The following COL25A1 variants were observed in gnomAD, a reference collection of about 807,000 sequenced individuals.
COL25A1 encodes collagen alpha-1(XXV) chain.
Under a neutral mutation model 128.4 loss-of-function variants are expected in COL25A1, and 103 were observed. The observed-to-expected ratio is 0.80, with a 90% CI of 0.68 to 0.94. The LOEUF (loss-of-function observed/expected upper bound fraction) is 0.94, where lower values mean the gene tolerates loss of function less well. Among genes scored for constraint, COL25A1 ranks in the 40% least tolerant of loss-of-function variants. The pLI is 0.00. For synonymous variants in COL25A1, 279 were observed against 277.2 expected, an observed-to-expected ratio of 1.01 and a Z score of -0.06; for missense variants, 745 against 840.0, an observed-to-expected ratio of 0.89 and a Z score of 1.40.
intron 8 of COL25A1, among the ~76,000 whole-genome samples, chr4:108,970,698 T>C (rs1751822368): frequency 1.3e-5 from 2 of 152,130 alleles, no homozygotes; most frequent in African/African-American, 4.8e-5. Context: ...TTGACCAACA[T>C]CTCCTAAAAC....
chr4:109,252,019 G>A (rs1401553611), intron 3 of COL25A1, among the ~76,000 whole-genome samples: 1 of 152,248 alleles, frequency 6.6e-6, no homozygotes, highest in Non-Finnish European at 1.5e-5. Context: ...AAATCCATGA[G>A]CATGGGAATT....
At chr4:108,987,225 C>T (rs1753734422) in intron 6 of COL25A1, among the ~76,000 whole-genome samples, 1 of 152,172 alleles carries the variant, frequency 6.6e-6, no homozygotes, top group African/African-American at 2.4e-5. Context: ...AGGAGCCTCT[C>T]CTCCAGCCTG....
At chr4:109,003,525 G>C (rs1357356533) in intron 6 of COL25A1, among the ~76,000 whole-genome samples, 1 of 152,200 alleles carries the variant, frequency 6.6e-6, no homozygotes, top group Non-Finnish European at 1.5e-5. Context: ...AAAAGGCCGG[G>C]CATGGTGGCT....
chr4:108,989,767 TTCTAAC>T (rs1486401418), intron 6 of COL25A1, among the ~76,000 whole-genome samples: 1 of 152,198 alleles, frequency 6.6e-6, no homozygotes, highest in Non-Finnish European at 1.5e-5. Flanking sequence ...GGAACTGTTT[TTCTAAC>T]TACTATCATA....
intron 3 of COL25A1, among the ~76,000 whole-genome samples, chr4:109,158,154 C>A (rs969384339): frequency 2.0e-5 from 3 of 152,080 alleles, no homozygotes; most frequent in Non-Finnish European, 4.4e-5. Flanking sequence ...TTTGCAGCAT[C>A]CAGCCTATGG....
chr4:109,128,281 G>A (rs1049026759), intron 3 of COL25A1, among the ~76,000 whole-genome samples: 1 of 152,122 alleles, frequency 6.6e-6, no homozygotes, highest in Non-Finnish European at 1.5e-5. Flanking sequence ...CTAAACTCTG[G>A]CCACCATTCC....
At chr4:109,017,800 A>G (rs1478314610) in intron 5 of COL25A1, among the ~76,000 whole-genome samples, 1 of 152,202 alleles carries the variant, frequency 6.6e-6, no homozygotes, top group East Asian at 1.9e-4. Context: ...TGTTCATGCA[A>G]CTCTAAAAGG....
chr4:108,813,425 C>T lies in COL25A1; in HGVS notation c.*502G>A, dbSNP rs555905157. The T allele has an allele frequency of 6.5e-6, 1 of 153,410 alleles. No individual in the cohort carries two copies. The highest frequency in any genetic ancestry group is 2.0e-4 in the South Asian group (1 of 4,890). The allele number at this position is 153,410 out of a possible 1,614,324, so 9.5% of individuals were successfully genotyped here. ...TTGCACAGCAAGCAGGTTTGGCACACAGTCATGCTTTTTTAGTTAGTTTCA... is the reference window on the plus strand; with the variant it reads ...TTGCACAGCAAGCAGGTTTGGCACATAGTCATGCTTTTTTAGTTAGTTTCA... On this transcript the variant is annotated 3_prime_UTR_variant, in exon 38 of 38. Coordinates refer to ENST00000399132, the MANE Select transcript of COL25A1 (RefSeq NM_198721.4).
chr4:109,107,762 CA>C (rs149340381), intron 3 of COL25A1, among the ~76,000 whole-genome samples: 3,980 of 152,182 alleles, frequency 0.026, 201 homozygotes, highest in African/African-American at 0.09. Flanking sequence ...AGCCTTTACA[CA>C]AAAGAGGACC....
chr4:109,301,267 G>C (rs1330034823), intron 2 of COL25A1, among the ~76,000 whole-genome samples: 1 of 151,756 alleles, frequency 6.6e-6, no homozygotes, highest in Non-Finnish European at 1.5e-5. Flanking sequence ...TGAAATTATT[G>C]ATTTTAAATT....
At chr4:109,135,864 T>C (rs969788535) in intron 3 of COL25A1, among the ~76,000 whole-genome samples, 3 of 152,176 alleles carry the variant, frequency 2.0e-5, no homozygotes, top group East Asian at 1.9e-4. Flanking sequence ...CTCTGACAGA[T>C]CCATATATAG....
intron 3 of COL25A1, among the ~76,000 whole-genome samples, chr4:109,220,450 C>CAAA (rs1778330696): frequency 6.6e-6 from 1 of 152,114 alleles, no homozygotes; most frequent in Non-Finnish European, 1.5e-5. Flanking sequence ...AAAGGTTTTA[C>CAAA]ACCAGACACA....
chr4:108,845,289 T>C (rs1029318148), intron 28 of COL25A1, 38 bp from the exon 29 acceptor site: 1 of 1,538,966 alleles, frequency 6.5e-7, no homozygotes, highest in Non-Finnish European at 9.0e-7. Flanking sequence ...GCAGGTAAAG[T>C]TATTTCCAGT....
Position 108,928,964 on chromosome 4 carries a change from G to A in COL25A1, c.709-8360C>T, listed in dbSNP as rs548365035. ...GTGAACTGGATTCTAGCCTGGTTCT[G>A]CCGTTAACTATTTTGTAACCTTGGC... On this transcript the variant is annotated intron_variant, in intron 11 of 37. Transcript: ENST00000399132. 2.6e-5 allele frequency among the ~76,000 whole-genome samples: 4 copies of A among 152,320 alleles called. No homozygotes were observed. In the South Asian group the frequency reaches 8.3e-4, roughly 32 times the overall value.
At chr4:108,837,228 A>T (rs1238603494) in intron 31 of COL25A1, among the ~76,000 whole-genome samples, 1 of 152,230 alleles carries the variant, frequency 6.6e-6, no homozygotes. Context: ...GGCAAAAATG[A>T]AAAAGTGGTC....
intron 3 of COL25A1, among the ~76,000 whole-genome samples, chr4:109,096,201 A>T (rs1003707296): frequency 2.6e-5 from 4 of 152,168 alleles, no homozygotes; most frequent in Non-Finnish European, 4.4e-5. Flanking sequence ...TTTTCAGCAG[A>T]CAATAAAACT....
rs115323918 is a variant in COL25A1, at chr4:109,210,969, C to T, written c.367+89614G>A. Among the ~76,000 whole-genome samples the T allele has an allele frequency of 8.5e-3, 1,293 of 152,024 alleles. 58 individuals are homozygous for T. In the South Asian group the frequency reaches 0.14, roughly 16 times the overall value. ...CTCAATTATAAGTGGGAGCTAAACA[C>T]TGAGCACACATGGGCACAAAGAAGG... On this transcript the variant is annotated intron_variant, in intron 3 of 37. Coordinates refer to ENST00000399132, the MANE Select transcript of COL25A1 (RefSeq NM_198721.4).
At chr4:109,225,049 A>C (rs1157565350) in intron 3 of COL25A1, among the ~76,000 whole-genome samples, 1 of 152,210 alleles carries the variant, frequency 6.6e-6, no homozygotes, top group African/African-American at 2.4e-5. Context: ...GGAATCTGCA[A>C]TGTTAATTCC....
At chr4:109,072,153 T>C (rs1763024628) in intron 3 of COL25A1, among the ~76,000 whole-genome samples, 1 of 152,188 alleles carries the variant, frequency 6.6e-6, no homozygotes, top group South Asian at 2.1e-4. Flanking sequence ...AATTGACATA[T>C]ACTGCCTAAT....
Sources: allele counts gnomAD v4.1 joint callset (sites outside exome capture counted in the v4.1 genomes callset), GRCh38; gene constraint gnomAD v4.1.1; transcripts MANE v1.5; gene names NCBI Gene and HGNC (gene_info 2026-07-23, HGNC 2026-07-21).